The following RTF1 variants were observed in gnomAD, a reference collection of about 807,000 sequenced individuals.
The protein encoded by RTF1 is RTF1 homolog, Paf1/RNA polymerase II complex component, also known as RNA polymerase-associated protein RTF1 homolog.
RTF1 carries 10 observed loss-of-function variants against 95.7 expected under a neutral mutation model. The observed-to-expected ratio is 0.10, with a 90% CI of 0.06 to 0.18. The LOEUF is 0.18. RTF1 is among the 10% of genes least tolerant of loss of function. The probability of loss-of-function intolerance (pLI) is 1.00; values close to 1 mark genes in which losing one functional copy is unlikely to be tolerated. For synonymous variants in RTF1, 305 were observed against 311.8 expected (o/e 0.98, Z 0.23); for missense variants, 458 against 875.6 (o/e 0.52, Z 6.02).
Position 41,474,706 on chromosome 15 carries a change from G to A in RTF1, c.1286+4G>A. 3 of 1,611,220 alleles carry A rather than the reference G, an allele frequency of 1.9e-6. No homozygotes were observed. Among genetic ancestry groups the A allele is most frequent in the Non-Finnish European group, 2.5e-6 (3 of 1,177,324 alleles). ...CAAACAAAGGGCTGCAACTACGGTA[G>A]GAGGCACTTCTGGGGTAGCTTCTGC... On this transcript the variant is annotated splice_donor_region_variant and intron_variant, in intron 9 of 17. Transcript: ENST00000389629.
intron 2 of RTF1, among the ~76,000 whole-genome samples, chr15:41,444,006 T>G (rs1383940466): frequency 6.6e-6 from 1 of 150,486 alleles, no homozygotes; most frequent in Non-Finnish European, 1.5e-5. Flanking sequence ...GGGCAGAGCT[T>G]GCAGTGAGCC....
chr15:41,465,544 G>C (rs549035444), intron 5 of RTF1, among the ~76,000 whole-genome samples: 32 of 152,234 alleles, frequency 2.1e-4, no homozygotes, highest in Non-Finnish European at 3.8e-4. Context: ...GGGGGGCTGA[G>C]GCACAAGAAT....
At chr15:41,447,725 T>C (rs566438141) in intron 2 of RTF1, among the ~76,000 whole-genome samples, 3 of 152,146 alleles carry the variant, frequency 2.0e-5, no homozygotes, top group Non-Finnish European at 4.4e-5. Context: ...TTTTGAGCAG[T>C]GGTCATTGGG....
At position 41,481,332 on chromosome 15, in the gene RTF1, G is replaced by A. The variant is rs1281616734; in HGVS notation, c.*645G>A. The A allele has an allele frequency of 5.3e-5, 8 of 152,344 alleles. No homozygotes were observed. In the Admixed American group the frequency reaches 5.3e-4, roughly 10 times the overall value. 9.4% of individuals were successfully genotyped at this position (152,344 alleles called of 1,614,324 possible). A position where few individuals can be genotyped will look rare whatever the true frequency, so the allele number is the denominator to read the frequency against. ...TTTTTTATCATTTTTTTAAAATGCA[G>A]TACTCTTTGTATCAGTCTGTCATGG... On this transcript the variant is annotated 3_prime_UTR_variant, in exon 18 of 18. Transcript: ENST00000389629.
chr15:41,472,617 C>G (rs375745871), intron 8 of RTF1, among the ~76,000 whole-genome samples: 76 of 152,212 alleles, frequency 5.0e-4, no homozygotes, highest in African/African-American at 1.8e-3. Flanking sequence ...CTCCTGGGTT[C>G]AAGCGATTCT....
At chr15:41,440,490 CTTT>C (rs1271679997) in intron 2 of RTF1, among the ~76,000 whole-genome samples, 7 of 117,926 alleles carry the variant, frequency 5.9e-5, no homozygotes, top group Admixed American at 8.8e-5. Context: ...CGCCTGGCCT[CTTT>C]TTTTTTTTTT....
intron 2 of RTF1, among the ~76,000 whole-genome samples, chr15:41,444,900 T>C (rs1188129505): frequency 6.6e-6 from 1 of 152,094 alleles, no homozygotes; most frequent in Non-Finnish European, 1.5e-5. Context: ...CTGTTTAGAT[T>C]GCTCATGAGC....
At chr15:41,420,345 C>T (rs752570536) in intron 1 of RTF1, among the ~76,000 whole-genome samples, 5 of 152,136 alleles carry the variant, frequency 3.3e-5, no homozygotes, top group Admixed American at 1.3e-4. Context: ...CTATGCCAGA[C>T]TCTCAGAATA....
intron 2 of RTF1, among the ~76,000 whole-genome samples, chr15:41,448,275 A>AT (rs1383845291): frequency 6.6e-6 from 1 of 152,152 alleles, no homozygotes; most frequent in Non-Finnish European, 1.5e-5. Context: ...CCTGAATTAA[A>AT]TAAGAATAAT....
chr15:41,473,997 A>C (rs537434295), intron 8 of RTF1, among the ~76,000 whole-genome samples: 2 of 151,982 alleles, frequency 1.3e-5, no homozygotes, highest in African/African-American at 4.8e-5. Flanking sequence ...AAATCATGCC[A>C]TTGCACTCCA....
chr15:41,458,938 C>T (rs747226526), intron 4 of RTF1, among the ~76,000 whole-genome samples: 3 of 151,578 alleles, frequency 2.0e-5, no homozygotes, highest in African/African-American at 7.3e-5. Flanking sequence ...CAAGCATGGT[C>T]GTACGCATCT....
At chr15:41,422,580 T>G (rs903551220) in intron 1 of RTF1, among the ~76,000 whole-genome samples, 1 of 152,154 alleles carries the variant, frequency 6.6e-6, no homozygotes, top group Non-Finnish European at 1.5e-5. Flanking sequence ...TCAGTACAAC[T>G]CCGTATTTAT....
At chr15:41,469,588 C>T (rs927450359) in intron 6 of RTF1, among the ~76,000 whole-genome samples, 2 of 150,646 alleles carry the variant, frequency 1.3e-5, no homozygotes, top group African/African-American at 4.9e-5. Flanking sequence ...CAGTGGTATA[C>T]AGTCTTGGCT....
intron 16 of RTF1, 120 bp from the exon 17 acceptor site, chr15:41,480,094 G>C (rs903124102): frequency 3.1e-6 from 2 of 649,836 alleles, no homozygotes; most frequent in East Asian, 5.4e-5. Flanking sequence ...AATCAGAAAG[G>C]GGCCTTAGTA....
intron 4 of RTF1, among the ~76,000 whole-genome samples, chr15:41,464,154 T>C (rs2050867922): frequency 6.7e-6 from 1 of 149,970 alleles, no homozygotes; most frequent in African/African-American, 2.5e-5. Context: ...CGGGCCTGTT[T>C]GTTTGTTTGT....
intron 1 of RTF1, among the ~76,000 whole-genome samples, chr15:41,436,980 G>A (rs1228291052): frequency 2.0e-5 from 3 of 151,454 alleles, no homozygotes; most frequent in East Asian, 2.0e-4. Flanking sequence ...CCAGCTACTC[G>A]GGAGGTTGAC....
At chr15:41,466,571 C>G (rs2140964944) in intron 6 of RTF1, among the ~76,000 whole-genome samples, 1 of 152,254 alleles carries the variant, frequency 6.6e-6, no homozygotes, top group South Asian at 2.1e-4. Flanking sequence ...ATTATTACAC[C>G]TAGAAATAAC....
chr15:41,468,776 A>C (rs1173430449), intron 6 of RTF1, among the ~76,000 whole-genome samples: 1 of 152,056 alleles, frequency 6.6e-6, no homozygotes, highest in Non-Finnish European at 1.5e-5. Context: ...GTAATTCAAG[A>C]CCAGCCTGGG....
intron 3 of RTF1, among the ~76,000 whole-genome samples, chr15:41,456,974 C>T (rs967737346): frequency 2.0e-5 from 3 of 152,062 alleles, no homozygotes; most frequent in Middle Eastern, 3.2e-3. Flanking sequence ...GTCCCAGCTA[C>T]GCAGGAGGCT....
Sources: gnomAD v4.1 joint callset for allele counts (sites outside exome capture counted in the v4.1 genomes callset) on GRCh38, gnomAD v4.1.1 for gene constraint, MANE v1.5 for transcripts, NCBI Gene and HGNC (gene_info 2026-07-23, HGNC 2026-07-21) for gene names.